The following CNTNAP3 variants were observed in gnomAD, a reference collection of about 807,000 sequenced individuals.
The protein encoded by CNTNAP3 is contactin-associated protein-like 3.
A neutral mutation model predicts 92.1 loss-of-function variants in CNTNAP3; 36 were observed. The observed-to-expected ratio is 0.39, with a 90% confidence interval of 0.30 to 0.52. CNTNAP3 has a LOEUF of 0.52. CNTNAP3 is among the 20% of genes least tolerant of loss of function. CNTNAP3 has a pLI of 0.76. For synonymous variants in CNTNAP3, 232 were observed against 422.3 expected (o/e 0.55, Z 5.53); for missense variants, 534 against 1,069.6 (o/e 0.50, Z 6.98).
intron 9 of CNTNAP3, chr9:39,159,244 G>A (rs887136598): frequency 6.7e-6 from 1 of 149,656 alleles, no homozygotes; most frequent in South Asian, 2.1e-4. Flanking sequence ...TCATGATCAT[G>A]TATGTTACTT....
At chr9:39,096,593 T>C (rs928260346) in intron 18 of CNTNAP3, among the ~76,000 whole-genome samples, 4 of 150,518 alleles carry the variant, frequency 2.7e-5, no homozygotes, top group Admixed American at 6.6e-5. Flanking sequence ...TTTTGAAATA[T>C]ACAATAAATT....
At chr9:39,106,918 C>T (rs370574291) in intron 15 of CNTNAP3, among the ~76,000 whole-genome samples, 42 of 152,190 alleles carry the variant, frequency 2.8e-4, no homozygotes, top group East Asian at 2.3e-3. Context: ...GAAGATAAAA[C>T]GGCACAGAGA....
intron 17 of CNTNAP3, 25 bp from the exon 18 acceptor site, chr9:39,100,175 A>T (rs1401950702): frequency 5.1e-5 from 78 of 1,530,382 alleles, no homozygotes; most frequent in Non-Finnish European, 6.9e-5. Flanking sequence ...CTGCAAATAG[A>T]AATGTGTTCC....
intron 14 of CNTNAP3, among the ~76,000 whole-genome samples, chr9:39,115,717 CT>C (rs1242862532): frequency 6.6e-6 from 1 of 152,040 alleles, no homozygotes; most frequent in Non-Finnish European, 1.5e-5. Flanking sequence ...AAGCCCAGGG[CT>C]TCTGTCACAC....
intron 12 of CNTNAP3, among the ~76,000 whole-genome samples, chr9:39,138,663 A>G (rs978817314): frequency 5.3e-5 from 8 of 152,250 alleles, no homozygotes; most frequent in Non-Finnish European, 1.0e-4. Flanking sequence ...TCAAACTCAC[A>G]GAAGTGTGGG....
chr9:39,099,773 G>A, intron 18 of CNTNAP3, 138 bp downstream of exon 18: 2 of 998,054 alleles, frequency 2.0e-6, no homozygotes, highest in Non-Finnish European at 2.9e-6. Context: ...ATTCAATAGA[G>A]GAATTTGGTA....
At chr9:39,091,612 G>A (rs927776812) in intron 18 of CNTNAP3, among the ~76,000 whole-genome samples, 2 of 151,742 alleles carry the variant, frequency 1.3e-5, no homozygotes, top group Non-Finnish European at 3.0e-5. Flanking sequence ...ACTCTGTTCA[G>A]GGTTTTCACA....
intron 14 of CNTNAP3, among the ~76,000 whole-genome samples, chr9:39,110,451 A>G (rs1332149): frequency 1.3e-5 from 2 of 152,166 alleles, no homozygotes; most frequent in Non-Finnish European, 2.9e-5. Flanking sequence ...ACCTTTTGTC[A>G]AACAGACATT....
intron 23 of CNTNAP3, among the ~76,000 whole-genome samples, chr9:39,077,325 G>C (rs548292588): frequency 1.3e-3 from 191 of 151,792 alleles, no homozygotes; most frequent in African/African-American, 4.4e-3. Context: ...TTGGGAGGCC[G>C]AGGCGGGTGG....
chr9:39,090,956 T>C (rs1336834662), intron 18 of CNTNAP3, among the ~76,000 whole-genome samples: 1 of 152,106 alleles, frequency 6.6e-6, no homozygotes, highest in Non-Finnish European at 1.5e-5. Flanking sequence ...GTAAATAAAA[T>C]TGTTTTACTG....
intron 3 of CNTNAP3, among the ~76,000 whole-genome samples, chr9:39,194,861 A>C (rs1822519575): frequency 2.0e-3 from 1 of 488 alleles, no homozygotes; most frequent in Non-Finnish European, 3.0e-3. Flanking sequence ...GGTGCGATCT[A>C]GACTCACTAC....
rs1201514531 is a variant in CNTNAP3, at chr9:39,149,939, G to A, written c.1516C>T (p.Pro506Ser). The A allele has an allele frequency of 3.7e-6, 6 of 1,611,650 alleles. No homozygotes were observed. The highest frequency in any genetic ancestry group is 5.1e-6 in the Non-Finnish European group (6 of 1,179,758). The change falls in exon 10 of 24, where the codon CCC becomes TCC. Residue 506 changes from proline (P) to serine (S), a missense_variant. Coordinates refer to ENST00000297668, the MANE Select transcript of CNTNAP3 (RefSeq NM_033655.5). The stretch of plus-strand genomic sequence containing the variant: ...AGGCAGCCCTGAAACCCTCCCAGGG[G>A]GCTTTTACATCCAGAGCCAGAGCTG... ...DNSSGSGCKS[P>S]LGGFQGCLRL... is the part of the protein sequence containing the mutation.
rs1257265932 is a variant in CNTNAP3, at chr9:39,068,874, T to C, written c.*5016A>G. Among the ~76,000 whole-genome samples the C allele has an allele frequency of 3.3e-5, 5 of 152,418 alleles. No individual in the cohort carries two copies. The East Asian group carries it at 9.6e-4, about 29-fold the overall frequency. On this transcript the variant is annotated 3_prime_UTR_variant, in exon 24 of 24. Coordinates refer to ENST00000297668, the MANE Select transcript of CNTNAP3 (RefSeq NM_033655.5). The stretch of plus-strand genomic sequence containing the variant: ...TACATTCCGTGCCTCATGTCCAGTG[T>C]ACTGAAAACCATAGTTTCATATATT...
chr9:39,128,168 T>C (rs1009757530), intron 13 of CNTNAP3, among the ~76,000 whole-genome samples: 3 of 151,934 alleles, frequency 2.0e-5, no homozygotes, highest in Admixed American at 6.6e-5. Flanking sequence ...AATGTTTAAA[T>C]AAAAATTAAA....
At chr9:39,099,767 AAT>A (rs1347685616) in intron 18 of CNTNAP3, 142 bp downstream of exon 18, 2 of 959,630 alleles carry the variant, frequency 2.1e-6, no homozygotes, top group Admixed American at 2.8e-5. Context: ...TTCTAAATTC[AAT>A]AGAGGAATTT....
chr9:39,148,321 G>A (rs1174476549), intron 10 of CNTNAP3, among the ~76,000 whole-genome samples: 2 of 152,236 alleles, frequency 1.3e-5, no homozygotes, highest in East Asian at 1.9e-4. Context: ...ATTATTCCAT[G>A]CTGAATAAAT....
At chr9:39,157,233 T>C (rs145686665) in intron 9 of CNTNAP3, among the ~76,000 whole-genome samples, 30 of 5,134 alleles carry the variant, frequency 5.8e-3, no homozygotes, top group African/African-American at 0.018. Context: ...CAGATTGACA[T>C]TGTCTGTTTT....
intron 12 of CNTNAP3, among the ~76,000 whole-genome samples, chr9:39,133,759 T>C (rs866166311): frequency 2.6e-5 from 4 of 152,030 alleles, no homozygotes; most frequent in Admixed American, 6.6e-5. Flanking sequence ...TGATTACTTA[T>C]ATTGTTTTGA....
At chr9:39,079,865 G>C (rs1279700942) in intron 21 of CNTNAP3, among the ~76,000 whole-genome samples, 4 of 135,474 alleles carry the variant, frequency 3.0e-5, no homozygotes, top group African/African-American at 1.2e-4. Flanking sequence ...CGATTGCATG[G>C]TTCTTTCTCC....
Sources: allele counts gnomAD v4.1 joint callset (sites outside exome capture counted in the v4.1 genomes callset), GRCh38; gene constraint gnomAD v4.1.1; transcripts MANE v1.5; gene names NCBI Gene and HGNC (gene_info 2026-07-23, HGNC 2026-07-21).